Variants in EIF1AY observed in about 807,000 individuals in gnomAD.
The protein encoded by EIF1AY is eukaryotic translation initiation factor 1A, Y-chromosomal.
For synonymous variants in EIF1AY, 16 were observed against 9.9 expected (o/e 1.62, Z -1.16); for missense variants, 19 against 30.6 (o/e 0.62, Z 0.89).
chrY:20,588,872 A>T, intron 5 of EIF1AY: 1 of 33,976 alleles, frequency 2.9e-5, no homozygotes, highest in Non-Finnish European at 7.3e-5. Flanking sequence ...CGCTTTCATT[A>T]CTTGGGGATA....
intron 1 of EIF1AY, among the ~76,000 whole-genome samples, chrY:20,578,470 C>T (rs9341309): frequency 3.0e-5 from 1 of 33,710 alleles, no homozygotes; most frequent in African/African-American, 1.2e-4. Context: ...TTTGTCCTGA[C>T]GCAGCTAAGT....
At chrY:20,591,756 C>A in intron 6 of EIF1AY, among the ~76,000 whole-genome samples, 1 of 33,494 alleles carries the variant, frequency 3.0e-5, no homozygotes, top group African/African-American at 1.2e-4. Context: ...CCTAGTGGAA[C>A]ACAAAGCTAC....
At chrY:20,578,849 C>A (rs751603646) in intron 1 of EIF1AY, among the ~76,000 whole-genome samples, 1 of 33,274 alleles carries the variant, frequency 3.0e-5, no homozygotes, top group South Asian at 6.6e-4. Flanking sequence ...GGAGAAGTAC[C>A]CCAGTCCCTT....
At chrY:20,588,640 A>G in intron 5 of EIF1AY, 1 of 34,183 alleles carries the variant, frequency 2.9e-5, no homozygotes, top group African/African-American at 1.1e-4. Context: ...GCTTGACAAG[A>G]TTAAAATAAG....
chrY:20,577,155 G>A, intron 1 of EIF1AY, among the ~76,000 whole-genome samples: 2 of 33,154 alleles, frequency 6.0e-5, no homozygotes. Flanking sequence ...TTTGCAAAAT[G>A]TCCATTAAAT....
At chrY:20,590,536 A>G in intron 6 of EIF1AY, among the ~76,000 whole-genome samples, 4 of 30,581 alleles carry the variant, frequency 1.3e-4, no homozygotes, top group Admixed American at 9.2e-4. Flanking sequence ...CAGGAGGCTG[A>G]GGCAGGATAA....
chrY:20,589,418 C>T, intron 5 of EIF1AY, 66 bp from the exon 6 acceptor site: 1 of 306,217 alleles, frequency 3.3e-6, no homozygotes, highest in Non-Finnish European at 4.9e-6. Context: ...GATCTGCCTA[C>T]CATGGCCTCC....
At chrY:20,578,505 T>C (rs2089348358) in intron 1 of EIF1AY, among the ~76,000 whole-genome samples, 1 of 33,672 alleles carries the variant, frequency 3.0e-5, no homozygotes, top group Non-Finnish European at 7.4e-5. Flanking sequence ...TTGCTCGAAA[T>C]ATAGAATGTG....
intron 6 of EIF1AY, among the ~76,000 whole-genome samples, chrY:20,591,238 G>T (rs2089358783): frequency 9.1e-5 from 3 of 32,842 alleles, no homozygotes; most frequent in Non-Finnish European, 2.2e-4. Flanking sequence ...AGTTGAGGAC[G>T]CACCCATGAC....
intron 4 of EIF1AY, among the ~76,000 whole-genome samples, chrY:20,586,279 T>A (rs2089354472): frequency 3.0e-5 from 1 of 33,553 alleles, no homozygotes; most frequent in African/African-American, 1.2e-4. Flanking sequence ...ATTCCAGAGC[T>A]TTTGCGAGTT....
intron 6 of EIF1AY, 33 bp downstream of exon 6, chrY:20,589,608 T>C: frequency 2.8e-6 from 1 of 361,801 alleles, no homozygotes; most frequent in South Asian, 3.2e-5. Context: ...TATTTTGTTT[T>C]ATCTATGCAT....
At chrY:20,589,978 G>A (rs867116752) in intron 6 of EIF1AY, among the ~76,000 whole-genome samples, 3 of 32,648 alleles carry the variant, frequency 9.2e-5, no homozygotes, top group South Asian at 6.9e-4. Flanking sequence ...ACAAAGCAGC[G>A]CAGTTCACAA....
At chrY:20,590,482 A>C in intron 6 of EIF1AY, among the ~76,000 whole-genome samples, 1 of 31,375 alleles carries the variant, frequency 3.2e-5, no homozygotes, top group Non-Finnish European at 7.7e-5. Context: ...AAAAATATAA[A>C]AATTAGCCAG....
intron 6 of EIF1AY, among the ~76,000 whole-genome samples, chrY:20,591,559 A>C (rs13447359): frequency 3.3e-4 from 11 of 33,835 alleles, no homozygotes; most frequent in African/African-American, 8.1e-4. Flanking sequence ...TATTTTCTTC[A>C]TGTACCTCCC....
At chrY:20,585,379 A>G (rs772372312) in intron 4 of EIF1AY, among the ~76,000 whole-genome samples, 6 of 33,880 alleles carry the variant, frequency 1.8e-4, no homozygotes, top group Non-Finnish European at 4.4e-4. Context: ...TTAATCTCCA[A>G]CCTTCATACT....
chrY:20,583,997 C>G (rs529287080), intron 3 of EIF1AY, among the ~76,000 whole-genome samples: 1 of 32,736 alleles, frequency 3.1e-5, no homozygotes, highest in Non-Finnish European at 7.5e-5. Flanking sequence ...TTTTTCATGC[C>G]ATACCTTAAC....
chrY:20,586,158 A>T, intron 4 of EIF1AY, among the ~76,000 whole-genome samples: 8 of 33,025 alleles, frequency 2.4e-4, no homozygotes, highest in African/African-American at 9.5e-4. Context: ...CAGGGGTAAT[A>T]TTAGGGCTTT....
intron 6 of EIF1AY, 83 bp downstream of exon 6, chrY:20,589,658 G>A (rs2089357482): frequency 3.7e-6 from 1 of 270,893 alleles, no homozygotes; most frequent in Non-Finnish European, 5.3e-6. Context: ...AGTATTTACT[G>A]CAAAAATCAA....
intron 2 of EIF1AY, among the ~76,000 whole-genome samples, chrY:20,580,297 A>G: frequency 6.1e-5 from 2 of 32,769 alleles, no homozygotes; most frequent in Non-Finnish European, 1.5e-4. Flanking sequence ...TATTCCATAC[A>G]TTGGTAATGA....
Sources: gnomAD v4.1 joint callset for allele counts (sites outside exome capture counted in the v4.1 genomes callset) on GRCh38, gnomAD v4.1.1 for gene constraint, MANE v1.5 for transcripts, NCBI Gene and HGNC (gene_info 2026-07-23, HGNC 2026-07-21) for gene names.